BRSK2: variants seen among roughly 807,000 people sequenced by gnomAD.
The protein encoded by BRSK2 is serine/threonine-protein kinase BRSK2.
In BRSK2, 19 loss-of-function variants were observed where a neutral mutation model predicts 83.3. That is an observed-to-expected ratio of 0.23 (90% CI 0.16 to 0.33). The LOEUF (loss-of-function observed/expected upper bound fraction) is 0.33, where lower values mean the gene tolerates loss of function less well. Ranked by LOEUF, BRSK2 falls within the 10% of genes least tolerant of loss-of-function variation. BRSK2 has a pLI of 1.00. For missense variants in BRSK2, 798 were observed against 1,042.3 expected (o/e 0.77, Z 3.23); for synonymous variants, 519 against 435.4 (o/e 1.19, Z -2.39).
At chr11:1,452,555 G>A (rs925226867) in intron 15 of BRSK2, among the ~76,000 whole-genome samples, 2 of 152,220 alleles carry the variant, frequency 1.3e-5, no homozygotes, top group African/African-American at 4.8e-5. Flanking sequence ...ATCTTGAGAT[G>A]GCCTGGAGGC....
chr11:1,424,041 C>T (rs1848923698), intron 1 of BRSK2, among the ~76,000 whole-genome samples: 1 of 152,178 alleles, frequency 6.6e-6, no homozygotes, highest in Non-Finnish European at 1.5e-5. Flanking sequence ...AACTTAGAAA[C>T]CTCTGCAGAG....
chr11:1,400,080 A>G (rs1214341798), intron 1 of BRSK2, among the ~76,000 whole-genome samples: 2 of 152,266 alleles, frequency 1.3e-5, no homozygotes, highest in African/African-American at 2.4e-5. Flanking sequence ...CTGAGAAATT[A>G]GCACTGATTT....
Position 1,408,967 on chromosome 11 carries a change from GGT to G in BRSK2, c.91+18611_91+18612del, listed in dbSNP as rs149657655. Among the ~76,000 whole-genome samples, 131 of 120,886 alleles carry G rather than the reference GGT, an allele frequency of 1.1e-3. 1 individual carries two copies. In the East Asian group the frequency reaches 0.015, roughly 14 times the overall value. The allele number at this position is 120,886 out of a possible 152,430, so 79.3% of individuals were successfully genotyped here. A position where few individuals can be genotyped will look rare whatever the true frequency, so the allele number is the denominator to read the frequency against. On this transcript the variant is annotated intron_variant, in intron 1 of 19. Transcript: ENST00000528841. ...CTGTATACAGGTGTTTGCCTGTGCA[GGT>G]GTGTGTGTGTGTGTGTGTATGTCTG...
intron 12 of BRSK2, among the ~76,000 whole-genome samples, chr11:1,449,563 G>A (rs943988203): frequency 3.2e-4 from 48 of 152,254 alleles, no homozygotes; most frequent in Non-Finnish European, 5.7e-4. Flanking sequence ...GCCCCCACAC[G>A]TGGGCTCTGA....
chr11:1,417,430 A>G (rs1177802233), intron 1 of BRSK2, among the ~76,000 whole-genome samples: 2 of 152,380 alleles, frequency 1.3e-5, no homozygotes, highest in South Asian at 2.1e-4. Context: ...AAATATATAT[A>G]TGTGTGATAT....
chr11:1,421,586 C>T (rs57488503), intron 1 of BRSK2, among the ~76,000 whole-genome samples: 1 of 152,318 alleles, frequency 6.6e-6, no homozygotes, highest in East Asian at 1.9e-4. Context: ...GATGCGCCGC[C>T]CCTTCCCTCT....
intron 1 of BRSK2, among the ~76,000 whole-genome samples, chr11:1,426,954 C>A (rs1849303878): frequency 1.3e-5 from 2 of 152,146 alleles, no homozygotes; most frequent in Non-Finnish European, 2.9e-5. Context: ...CAGGCTGTCC[C>A]CATACCTGCT....
intron 16 of BRSK2, among the ~76,000 whole-genome samples, chr11:1,455,703 C>T (rs879622386): frequency 8.5e-5 from 13 of 152,082 alleles, no homozygotes; most frequent in South Asian, 2.1e-4. Flanking sequence ...CTCACCACAT[C>T]CCTTCATGCT....
chr11:1,425,717 G>C (rs1490675436), intron 1 of BRSK2, among the ~76,000 whole-genome samples: 4 of 152,204 alleles, frequency 2.6e-5, no homozygotes, highest in Non-Finnish European at 5.9e-5. Flanking sequence ...TGGCCTTGGG[G>C]TAGATGAGCT....
At chr11:1,424,980 C>T (rs1269245280) in intron 1 of BRSK2, among the ~76,000 whole-genome samples, 4 of 152,202 alleles carry the variant, frequency 2.6e-5, no homozygotes, top group East Asian at 1.9e-4. Flanking sequence ...TCAGAGACCG[C>T]GGGGTCAGTG....
intron 1 of BRSK2, among the ~76,000 whole-genome samples, chr11:1,406,480 GAT>G (rs897754962): frequency 6.6e-6 from 1 of 152,182 alleles, no homozygotes; most frequent in Non-Finnish European, 1.5e-5. Context: ...TCAATAAAAA[GAT>G]AAACTGAGCC....
At chr11:1,396,646 C>T (rs1846142841) in intron 1 of BRSK2, among the ~76,000 whole-genome samples, 1 of 152,244 alleles carries the variant, frequency 6.6e-6, no homozygotes, top group Admixed American at 6.5e-5. Context: ...TGCTTGAGGG[C>T]TTCTGTGCCT....
Position 1,445,806 on chromosome 11 carries a change from G to A in BRSK2, c.1125G>A (p.Lys375=). The A allele has an allele frequency of 1.2e-6, 2 of 1,612,474 alleles. No homozygotes were observed. The highest frequency in any genetic ancestry group is 2.7e-5 in the African/African-American group (2 of 75,064). The part of the protein sequence containing the change: ...VDSPMLNRHG[K]RRPERKSMEV... Reference sequence around the variant, plus strand: ...CCCCGATGCTGAACCGGCACGGCAAGCGGCGGCCAGAACGCAAATCCATGG... The same window carrying A: ...CCCCGATGCTGAACCGGCACGGCAAACGGCGGCCAGAACGCAAATCCATGG... The change falls in exon 12 of 20, where the codon AAG becomes AAA. Residue 375 remains lysine, a synonymous_variant. Coordinates refer to ENST00000528841, the MANE Select transcript of BRSK2 (RefSeq NM_001256627.2).
chr11:1,449,714 C>T (rs1845567504), intron 12 of BRSK2, 62 bp from the exon 13 acceptor site: 3 of 1,460,018 alleles, frequency 2.1e-6, no homozygotes, highest in South Asian at 1.2e-5. Context: ...GGAGCAGAGC[C>T]CAGCACCTGC....
rs770300926 is a variant in BRSK2, at chr11:1,445,011, C to T, written c.812+9C>T. On this transcript the variant is annotated intron_variant, in intron 9 of 19. Coordinates refer to ENST00000528841, the MANE Select transcript of BRSK2 (RefSeq NM_001256627.2). ...AAACACATATGGTATATGTAAGTAG[C>T]TTTTCCACCCACTAATCGCCTGCTT... The T allele has an allele frequency of 6.2e-6, 10 of 1,611,742 alleles. No individual in the cohort carries two copies. Among genetic ancestry groups the T allele is most frequent in the South Asian group, 1.1e-5 (1 of 91,044 alleles).
At chr11:1,436,698 T>C (rs1850348206) in intron 2 of BRSK2, among the ~76,000 whole-genome samples, 1 of 152,132 alleles carries the variant, frequency 6.6e-6, no homozygotes, top group East Asian at 1.9e-4. Context: ...AGGAAGAGGC[T>C]GGGGCTCCCA....
rs1175771624 is a variant in BRSK2 at position 1,456,489 on chromosome 11, G to C, written c.1810G>C (p.Glu604Gln). 1.9e-6 allele frequency: 3 copies of C among 1,575,706 alleles called. No individual in the cohort carries two copies. In the African/African-American group the frequency reaches 4.1e-5, roughly 21 times the overall value. ...TYTEGGEAQK[E>Q]NGIYSVTFTL... is the part of the protein sequence containing the mutation. ...CACGGAGGGTGGGGAGGCGCAGAAGGAGAACGGCATCTACTCCGTCACCTT... is the reference window on the plus strand; with the variant it reads ...CACGGAGGGTGGGGAGGCGCAGAAGCAGAACGGCATCTACTCCGTCACCTT... The change falls in exon 17 of 20, where the codon GAG becomes CAG. Residue 604 changes from glutamate to glutamine, a missense_variant. Coordinates refer to ENST00000528841, the MANE Select transcript of BRSK2 (RefSeq NM_001256627.2).
At chr11:1,414,046 C>T (rs1026039794) in intron 1 of BRSK2, among the ~76,000 whole-genome samples, 1 of 152,226 alleles carries the variant, frequency 6.6e-6, no homozygotes, top group South Asian at 2.1e-4. Flanking sequence ...TGCGTTTTCT[C>T]CATCTGTGCT....
At chr11:1,394,708 GT>G in intron 1 of BRSK2, among the ~76,000 whole-genome samples, 1 of 133,896 alleles carries the variant, frequency 7.5e-6, no homozygotes, top group Non-Finnish European at 1.6e-5. Context: ...CTGGAGATGG[GT>G]CCCTGGAGAT....
Sources: allele counts gnomAD v4.1 joint callset (sites outside exome capture counted in the v4.1 genomes callset), GRCh38; gene constraint gnomAD v4.1.1; transcripts MANE v1.5; gene names NCBI Gene and HGNC (gene_info 2026-07-23, HGNC 2026-07-21).